The following ARHGEF10 variants were observed in gnomAD, a reference collection of about 807,000 sequenced individuals.
ARHGEF10 encodes the protein Rho guanine nucleotide exchange factor (GEF) 10.
ARHGEF10 carries 140 observed loss-of-function variants against 147.4 expected under a neutral mutation model. That is an observed-to-expected ratio of 0.95 (90% confidence interval 0.83 to 1.09). ARHGEF10 has a LOEUF of 1.09. ARHGEF10 is among the 50% of genes least tolerant of loss of function. The pLI is 0.00. For missense variants in ARHGEF10, 2,222 were observed against 1,752.7 expected (o/e 1.27, Z -4.78); for synonymous variants, 902 against 695.8 (o/e 1.30, Z -4.67).
Position 1,926,405 on chromosome 8 carries a change from C to G in ARHGEF10, c.2639C>G (p.Pro880Arg), listed in dbSNP as rs147112298. 8.7e-6 allele frequency: 14 copies of G among 1,613,982 alleles called. No individual in the cohort carries two copies. In the African/African-American group the frequency reaches 1.1e-4, roughly 12 times the overall value. ...KIECAAYNPE[P>R]YLNNESQPDS... ...GAATGTGCTGCTTATAACCCTGAAC[C>G]TTACCTAAATAATGAAAGCCAGCCA... Residue 880 changes from proline (P) to arginine (R), a missense_variant, in exon 23 of 29, where the codon CCT (proline) becomes CGT (arginine). By Grantham distance (103) the Pro-to-Arg change is moderately radical. Coordinates refer to ENST00000349830, the MANE Select transcript of ARHGEF10 (RefSeq NM_014629.4).
intron 11 of ARHGEF10, among the ~76,000 whole-genome samples, chr8:1,893,270 CA>C (rs1409698878): frequency 6.6e-6 from 1 of 152,102 alleles, no homozygotes; most frequent in Admixed American, 6.6e-5. Flanking sequence ...ACATAAAATA[CA>C]ATCTGTTAAT....
intron 25 of ARHGEF10, among the ~76,000 whole-genome samples, chr8:1,932,263 G>A (rs1366614378): frequency 1.0e-4 from 2 of 19,470 alleles, no homozygotes; most frequent in Non-Finnish European, 2.0e-4. Context: ...ATGCACAGGA[G>A]TGTGAGGGGT....
At chr8:1,856,018 G>C (rs1805524022) in intron 2 of ARHGEF10, among the ~76,000 whole-genome samples, 1 of 152,090 alleles carries the variant, frequency 6.6e-6, no homozygotes, top group African/African-American at 2.4e-5. Context: ...TCAAACTCTG[G>C]AAATTAGCGG....
At chr8:1,903,027 T>C (rs1054076311) in intron 15 of ARHGEF10, among the ~76,000 whole-genome samples, 2 of 152,204 alleles carry the variant, frequency 1.3e-5, no homozygotes, top group Admixed American at 1.3e-4. Context: ...GATTGTGATA[T>C]GTTCATATTT....
In ARHGEF10 at chr8:1,843,426, C is replaced by A. The variant is rs374914801; in HGVS notation, c.27C>A (p.Pro9=). Residue 9 remains proline (P), a synonymous_variant, in exon 2 of 29, where the codon CCC becomes CCA. Transcript: ENST00000349830. MDQREPLP[P]APAENEMKYD... ...TGGACCAGCGAGAGCCCCTGCCTCC[C>A]GCTCCTGCAGGTAACAGCACTCAGT... 4 of 1,612,988 alleles carry A rather than the reference C, an allele frequency of 2.5e-6. No homozygotes were observed. Among genetic ancestry groups the A allele is most frequent in the Non-Finnish European group, 3.4e-6 (4 of 1,179,774 alleles).
intron 26 of ARHGEF10, among the ~76,000 whole-genome samples, chr8:1,944,344 C>A (rs986265580): frequency 6.6e-6 from 1 of 151,676 alleles, no homozygotes; most frequent in East Asian, 1.9e-4. Flanking sequence ...CCTGTGTAGG[C>A]TGGAGTCCTC....
At chr8:1,950,513 C>G (rs1814944519) in intron 27 of ARHGEF10, among the ~76,000 whole-genome samples, 2 of 151,668 alleles carry the variant, frequency 1.3e-5, no homozygotes, top group Non-Finnish European at 2.9e-5. Context: ...TGCTTTTACC[C>G]TTTTTATTAT....
chr8:1,928,622 A>T lies in ARHGEF10; in HGVS notation c.2893A>T (p.Thr965Ser). 6.2e-7 allele frequency: 1 copy of T among 1,614,076 alleles called. No individual in the cohort carries two copies. The highest frequency in any genetic ancestry group is 8.5e-7 in the Non-Finnish European group (1 of 1,180,010). ...TPAVRASDVP[T>S]ICVGTEEGSI... is the part of the protein sequence containing the mutation. ...GGCCGTGAGAGCTTCTGATGTCCCC[A>T]CGATCTGTGTAGGGACGGAGGAGGG... is the stretch of plus-strand genomic sequence containing the variant. Residue 965 changes from threonine (T) to serine (S), a missense_variant, in exon 24 of 29, where the codon ACG (threonine) becomes TCG (serine). By Grantham distance (58) the Thr-to-Ser change is moderately conservative. Coordinates refer to ENST00000349830, the MANE Select transcript of ARHGEF10 (RefSeq NM_014629.4).
intron 1 of ARHGEF10, among the ~76,000 whole-genome samples, chr8:1,842,740 G>A (rs756955805): frequency 5.9e-5 from 9 of 152,224 alleles, no homozygotes; most frequent in Non-Finnish European, 8.8e-5. Flanking sequence ...TGGCCTTCCC[G>A]GGACTCGCTG....
At chr8:1,939,657 C>T (rs1484418799) in intron 26 of ARHGEF10, among the ~76,000 whole-genome samples, 1 of 152,224 alleles carries the variant, frequency 6.6e-6, no homozygotes, top group African/African-American at 2.4e-5. Context: ...AGGAGGGATT[C>T]ACTAGGAGAA....
chr8:1,947,185 G>C (rs1460210649), intron 27 of ARHGEF10, among the ~76,000 whole-genome samples: 3 of 152,174 alleles, frequency 2.0e-5, no homozygotes, highest in African/African-American at 7.2e-5. Flanking sequence ...ACGCGGCAGT[G>C]AGTGTCCATG....
chr8:1,956,513 A>G (rs900122760), intron 28 of ARHGEF10, among the ~76,000 whole-genome samples: 5 of 152,232 alleles, frequency 3.3e-5, no homozygotes, highest in Non-Finnish European at 7.3e-5. Flanking sequence ...TGAGGAAAAC[A>G]CAACTTTCTA....
chr8:1,905,823 T>C, intron 17 of ARHGEF10, 107 bp downstream of exon 17: 1 of 1,439,278 alleles, frequency 6.9e-7, no homozygotes, highest in Non-Finnish European at 9.6e-7. Flanking sequence ...TGAACTGGTT[T>C]TTTGTGCCAA....
intron 1 of ARHGEF10, among the ~76,000 whole-genome samples, chr8:1,834,821 C>T (rs368592117): frequency 3.3e-4 from 51 of 152,300 alleles, no homozygotes; most frequent in African/African-American, 1.0e-3. Context: ...TGCAGAATGC[C>T]GGGGCCACAG....
intron 27 of ARHGEF10, among the ~76,000 whole-genome samples, chr8:1,952,329 G>A (rs528070547): frequency 2.0e-4 from 30 of 152,346 alleles, no homozygotes; most frequent in African/African-American, 5.3e-4. Context: ...ACCACAGGCC[G>A]CTGTGTATGT....
intron 1 of ARHGEF10, among the ~76,000 whole-genome samples, chr8:1,831,526 G>A (rs1437199079): frequency 1.4e-5 from 1 of 70,800 alleles, no homozygotes; most frequent in South Asian, 4.9e-4. Flanking sequence ...TGTGACATCC[G>A]TGGAGGGACA....
intron 16 of ARHGEF10, 149 bp downstream of exon 16, chr8:1,903,600 G>T: frequency 2.1e-6 from 2 of 933,054 alleles, no homozygotes; most frequent in Non-Finnish European, 3.3e-6. Context: ...GAGGCCTTCG[G>T]GAGAGTCACA....
In ARHGEF10 at chr8:1,876,684, T is replaced by A. The variant is rs762197298; in HGVS notation, c.793T>A (p.Cys265Ser). 1.2e-5 allele frequency: 19 copies of A among 1,614,050 alleles called. No homozygotes were observed. The highest frequency in any genetic ancestry group is 1.6e-5 in the Non-Finnish European group (19 of 1,180,044). The change falls in exon 8 of 29, where the codon TGC (cysteine) becomes AGC (serine). Residue 265 changes from cysteine to serine, a missense_variant. By Grantham distance (112) the Cys-to-Ser change is moderately radical. Transcript: ENST00000349830. The stretch of plus-strand genomic sequence containing the variant: ...TTACGAAGAGCAGAGTGACTCGGAG[T>A]GCAAGAATGGGATTCCCAGGTCCTT... ...ESYEEQSDSECKNGIPRSFLR... is the reference protein window; with the variant it reads ...ESYEEQSDSESKNGIPRSFLR...
intron 1 of ARHGEF10, among the ~76,000 whole-genome samples, chr8:1,841,483 G>T (rs777520761): frequency 1.4e-4 from 22 of 152,188 alleles, no homozygotes; most frequent in Non-Finnish European, 2.8e-4. Flanking sequence ...CCTGTGCATT[G>T]TTAAGCTACA....
Sources: gnomAD v4.1 joint callset for allele counts (sites outside exome capture counted in the v4.1 genomes callset) on GRCh38, gnomAD v4.1.1 for gene constraint, MANE v1.5 for transcripts, NCBI Gene and HGNC (gene_info 2026-07-23, HGNC 2026-07-21) for gene names.